Variants in SRPK2 observed in about 807,000 individuals in gnomAD.
The protein encoded by SRPK2 is SRSF protein kinase 2.
In SRPK2, 21 loss-of-function variants were observed where a neutral mutation model predicts 90.8. The observed-to-expected ratio is 0.23, with a 90% CI of 0.16 to 0.33. The LOEUF is 0.33. SRPK2 is among the 10% of genes least tolerant of loss of function. SRPK2 has a pLI of 1.00. For synonymous variants in SRPK2, 288 were observed against 311.1 expected, an observed-to-expected ratio of 0.93 and a Z score of 0.78; for missense variants, 620 against 869.0, an observed-to-expected ratio of 0.71 and a Z score of 3.60.
chr7:105,167,363 GAAGTA>G lies in SRPK2; in HGVS notation c.514+9_514+13del. ...AAAGGTAAAAATACAAATAAATCAGGAAGTAAAGGATACGTATCCCATTCATGCCT... is the reference window on the plus strand; with the variant it reads ...AAAGGTAAAAATACAAATAAATCAGGAAGGATACGTATCCCATTCATGCCT... On this transcript the variant is annotated intron_variant, in intron 6 of 15. Coordinates refer to ENST00000393651, the MANE Select transcript of SRPK2 (RefSeq NM_182692.3). 1 of 1,597,172 alleles carries G rather than the reference GAAGTA, an allele frequency of 6.3e-7. No individual in the cohort carries two copies. Among genetic ancestry groups the G allele is most frequent in the Non-Finnish European group, 8.6e-7 (1 of 1,166,150 alleles).
chr7:105,269,047 A>AG (rs1487185882), intron 2 of SRPK2: 66 of 1,289,308 alleles, frequency 5.1e-5, no homozygotes, highest in Non-Finnish European at 6.5e-5. Flanking sequence ...CAGAGGCATC[A>AG]GGCCTTGCTA....
intron 11 of SRPK2, among the ~76,000 whole-genome samples, chr7:105,135,898 G>A (rs1425950244): frequency 6.6e-6 from 1 of 151,856 alleles, no homozygotes; most frequent in East Asian, 1.9e-4. Flanking sequence ...CCGAGTAGCT[G>A]GGATTACAGG....
chr7:105,276,147 C>T (rs1427179360), intron 2 of SRPK2, among the ~76,000 whole-genome samples: 4 of 151,724 alleles, frequency 2.6e-5, no homozygotes, highest in Admixed American at 2.0e-4. Flanking sequence ...AGTGGTGCAA[C>T]GATAGCTCAC....
chr7:105,314,682 C>T (rs1812116595), intron 2 of SRPK2, among the ~76,000 whole-genome samples: 1 of 152,126 alleles, frequency 6.6e-6, no homozygotes, highest in South Asian at 2.1e-4. Context: ...CCATGCCCGG[C>T]CCAAAACATA....
intron 10 of SRPK2, 48 bp from the exon 11 acceptor site, chr7:105,142,538 T>C (rs754870730): frequency 1.3e-6 from 2 of 1,545,982 alleles, no homozygotes; most frequent in Non-Finnish European, 1.7e-6. Context: ...CTCTCCTTAA[T>C]ACAGCCTCAT....
intron 2 of SRPK2, among the ~76,000 whole-genome samples, chr7:105,329,615 G>A (rs1416445809): frequency 6.6e-6 from 1 of 151,416 alleles, no homozygotes; most frequent in Non-Finnish European, 1.5e-5. Flanking sequence ...AAAATAGAAG[G>A]CTAGGAAACA....
chr7:105,382,213 G>A (rs1821028728), intron 2 of SRPK2, among the ~76,000 whole-genome samples: 1 of 151,068 alleles, frequency 6.6e-6, no homozygotes, highest in African/African-American at 2.4e-5. Flanking sequence ...CCTTTAGCCT[G>A]TGAATAAACT....
intron 8 of SRPK2, 43 bp downstream of exon 8, chr7:105,146,450 C>T (rs1367760607): frequency 6.3e-7 from 1 of 1,598,300 alleles, no homozygotes; most frequent in Non-Finnish European, 8.5e-7. Context: ...TTGCAAGCTC[C>T]CAATGCCCCC....
At chr7:105,280,271 C>T (rs985362173) in intron 2 of SRPK2, among the ~76,000 whole-genome samples, 7 of 151,812 alleles carry the variant, frequency 4.6e-5, no homozygotes, top group Admixed American at 2.0e-4. Flanking sequence ...AAAAATTAGC[C>T]GGGTGTGGTG....
rs1245235839 is a variant in SRPK2, at chr7:105,171,011, AAG to A, written c.230-1748_230-1747del. Among the ~76,000 whole-genome samples the A allele has an allele frequency of 2.6e-4, 31 of 119,938 alleles. 3 individuals are homozygous for A. The East Asian group carries it at 3.6e-3, about 14-fold the overall frequency. 78.7% of individuals were successfully genotyped at this position (119,938 alleles called of 152,430 possible). A position where few individuals can be genotyped will look rare whatever the true frequency, so the allele number is the denominator to read the frequency against. ...AGAAAGAAAGAGAAAGAAAGAAAGA[AAG>A]AGAGGAAGGAAGGAAGGAAGGAAGG... is the stretch of plus-strand genomic sequence containing the variant. On this transcript the variant is annotated intron_variant, in intron 3 of 15. Transcript: ENST00000393651.
chr7:105,226,289 GAAAT>G (rs755558663), intron 2 of SRPK2, among the ~76,000 whole-genome samples: 6 of 151,564 alleles, frequency 4.0e-5, no homozygotes, highest in Non-Finnish European at 7.4e-5. Context: ...GCTCAAGAAA[GAAAT>G]AATTTTTTTT....
chr7:105,302,654 T>A (rs1257639288), intron 2 of SRPK2, among the ~76,000 whole-genome samples: 1 of 152,166 alleles, frequency 6.6e-6, no homozygotes, highest in African/African-American at 2.4e-5. Context: ...TGCTTCCCTT[T>A]AATAAATTAA....
At chr7:105,310,134 A>G (rs1179616837) in intron 2 of SRPK2, among the ~76,000 whole-genome samples, 2 of 152,182 alleles carry the variant, frequency 1.3e-5, no homozygotes, top group African/African-American at 4.8e-5. Context: ...TGGAACACAA[A>G]GGTGTAAGGC....
At chr7:105,337,414 A>C (rs976739506) in intron 2 of SRPK2, among the ~76,000 whole-genome samples, 1 of 151,646 alleles carries the variant, frequency 6.6e-6, no homozygotes, top group Non-Finnish European at 1.5e-5. Flanking sequence ...TCCCCGGTTC[A>C]AGCGATTCTC....
intron 13 of SRPK2, among the ~76,000 whole-genome samples, chr7:105,128,840 G>A (rs901749565): frequency 6.6e-6 from 1 of 152,054 alleles, no homozygotes; most frequent in Admixed American, 6.5e-5. Flanking sequence ...GACTACAGGC[G>A]CACTACACTG....
At chr7:105,115,853 C>T (rs1316590187), downstream of SRPK2, among the ~76,000 whole-genome samples, 2 of 152,018 alleles carry the variant, frequency 1.3e-5, no homozygotes, top group Non-Finnish European at 2.9e-5. Context: ...TAAATTATGC[C>T]CTATGGTTCT....
At chr7:105,269,858 A>T (rs1654234665) in intron 2 of SRPK2, among the ~76,000 whole-genome samples, 1 of 152,214 alleles carries the variant, frequency 6.6e-6, no homozygotes, top group South Asian at 2.1e-4. Flanking sequence ...AGTATTTCCA[A>T]CTGGATTTTT....
intron 2 of SRPK2, among the ~76,000 whole-genome samples, chr7:105,369,155 ATT>A (rs1819429201): frequency 2.0e-5 from 2 of 100,610 alleles, no homozygotes; most frequent in Admixed American, 1.0e-4. Flanking sequence ...TATTATTATT[ATT>A]ATTATTCGAG....
chr7:105,380,839 TTAAAAA>T (rs989989933), intron 2 of SRPK2, among the ~76,000 whole-genome samples: 2 of 150,642 alleles, frequency 1.3e-5, no homozygotes, highest in African/African-American at 4.9e-5. Flanking sequence ...AATTTTTAAA[TTAAAAA>T]TAATTAGTGG....
Sources: gnomAD v4.1 joint callset for allele counts (sites outside exome capture counted in the v4.1 genomes callset) on GRCh38, gnomAD v4.1.1 for gene constraint, MANE v1.5 for transcripts, NCBI Gene and HGNC (gene_info 2026-07-23, HGNC 2026-07-21) for gene names.